Variants in TAPT1 observed in about 807,000 individuals in gnomAD.
TAPT1 encodes the protein transmembrane anterior posterior transformation protein 1 homolog.
TAPT1 carries 28 observed loss-of-function variants against 65.6 expected under a neutral mutation model. The ratio of observed to expected loss-of-function variants is 0.43; its 90% CI spans 0.32 to 0.59. TAPT1 has a LOEUF of 0.59. TAPT1 is among the 20% of genes least tolerant of loss of function. The pLI is 0.09. For synonymous variants in TAPT1, 278 were observed against 245.2 expected, an observed-to-expected ratio of 1.13 and a Z score of -1.25; for missense variants, 563 against 679.9, an observed-to-expected ratio of 0.83 and a Z score of 1.91.
chr4:16,196,658 C>T, intron 3 of TAPT1: 1 of 1,287,060 alleles, frequency 7.8e-7, no homozygotes, highest in Non-Finnish European at 1.0e-6. Context: ...GTTTACTCAC[C>T]ACAAGGAGTC....
Position 16,163,294 on chromosome 4 carries a change from A to C in TAPT1, c.*14T>G, listed in dbSNP as rs371444361. The C allele has an allele frequency of 5.0e-6, 8 of 1,606,284 alleles. No individual in the cohort carries two copies. Among genetic ancestry groups the C allele is most frequent in the South Asian group, 2.2e-5 (2 of 90,952 alleles). ...CCCCAGGACCCAGCTTCTTCAGCGC[A>C]TGAAGCCACAGATTCAGTCAATTCG... On this transcript the variant is annotated 3_prime_UTR_variant, in exon 14 of 14. Coordinates refer to ENST00000405303, the MANE Select transcript of TAPT1 (RefSeq NM_153365.3).
chr4:16,178,417 C>T (rs1233243100), intron 8 of TAPT1, among the ~76,000 whole-genome samples: 1 of 152,068 alleles, frequency 6.6e-6, no homozygotes, highest in Non-Finnish European at 1.5e-5. Context: ...TTAATAAATG[C>T]CTATAACATA....
chr4:16,166,894 G>T, intron 12 of TAPT1, 101 bp from the exon 13 acceptor site: 1 of 1,110,716 alleles, frequency 9.0e-7, no homozygotes, highest in Admixed American at 2.1e-5. Context: ...GGGGGCATGG[G>T]ACGGTGACAG....
At chr4:16,217,930 C>T (rs1169889106) in intron 1 of TAPT1, among the ~76,000 whole-genome samples, 1 of 152,132 alleles carries the variant, frequency 6.6e-6, no homozygotes, top group Non-Finnish European at 1.5e-5. Context: ...GAACAGGGTA[C>T]CATGATGCAG....
intron 1 of TAPT1, among the ~76,000 whole-genome samples, chr4:16,217,728 T>C (rs530281864): frequency 6.6e-6 from 1 of 152,322 alleles, no homozygotes; most frequent in Non-Finnish European, 1.5e-5. Context: ...AAGAAGAGCA[T>C]TCCAGATACT....
rs1748893773 is a variant in TAPT1 at position 16,184,629 on chromosome 4, C to T, written c.916+1906G>A. The stretch of plus-strand genomic sequence containing the variant: ...AGTTAATCCATATCCTAACTTGTGG[C>T]ACTGTCAGGCTACAAGAGCAGTCAC... On this transcript the variant is annotated intron_variant, in intron 7 of 13. Coordinates refer to ENST00000405303, the MANE Select transcript of TAPT1 (RefSeq NM_153365.3). 2.0e-5 allele frequency among the ~76,000 whole-genome samples: 3 copies of T among 152,220 alleles called. No individual in the cohort carries two copies. In the South Asian group the frequency reaches 6.2e-4, roughly 32 times the overall value.
intron 3 of TAPT1, among the ~76,000 whole-genome samples, chr4:16,198,042 C>T (rs1310662534): frequency 1.3e-5 from 2 of 152,140 alleles, no homozygotes; most frequent in African/African-American, 4.8e-5. Context: ...GCCAACATCT[C>T]ATAATGAACA....
intron 7 of TAPT1, among the ~76,000 whole-genome samples, chr4:16,185,133 T>C (rs1378522041): frequency 6.6e-6 from 1 of 152,062 alleles, no homozygotes; most frequent in Non-Finnish European, 1.5e-5. Flanking sequence ...GAATTAATTT[T>C]CTTGGGCAGG....
rs114190632 is a variant in TAPT1 at position 16,166,032 on chromosome 4, C to A, written c.1474+601G>T. Reference sequence around the variant, plus strand: ...TGCAGCTCTCCATGGTCCCCAAGACCCCCTCTCCAGTCCTTTTCCCTGGGA... The same window carrying A: ...TGCAGCTCTCCATGGTCCCCAAGACACCCTCTCCAGTCCTTTTCCCTGGGA... On this transcript the variant is annotated intron_variant, in intron 13 of 13. Transcript: ENST00000405303. Among the ~76,000 whole-genome samples the A allele has an allele frequency of 4.7e-3, 718 of 152,316 alleles. 6 individuals are homozygous for A. Among genetic ancestry groups the A allele is most frequent in the African/African-American group, 0.017 (689 of 41,548 alleles).
Position 16,202,518 on chromosome 4 carries a change from A to G in TAPT1, c.393T>C (p.Pro131=). 6.4e-7 allele frequency: 1 copy of G among 1,553,582 alleles called. No individual in the cohort carries two copies. The highest frequency in any genetic ancestry group is 8.7e-7 in the Non-Finnish European group (1 of 1,148,096). Residue 131 remains proline (P), a synonymous_variant, in exon 3 of 14, where the codon CCT becomes CCC. Coordinates refer to ENST00000405303, the MANE Select transcript of TAPT1 (RefSeq NM_153365.3). ...DAFLYVFTLL[P]LRVFLALFRL... ...TGAATAGTGCCAGGAAAACTCTTAA[A>G]GGAAGCAGGGTGAACACATACAAAA...
chr4:16,224,937 T>A (rs1249667835), intron 1 of TAPT1, among the ~76,000 whole-genome samples: 1 of 152,254 alleles, frequency 6.6e-6, no homozygotes, highest in Non-Finnish European at 1.5e-5. Context: ...GAAAGTATAG[T>A]GAAGCCTGGC....
rs182523569 is a variant in TAPT1 at position 16,178,335 on chromosome 4, C to T, written c.997+1242G>A. Among the ~76,000 whole-genome samples the T allele has an allele frequency of 2.0e-5, 3 of 152,280 alleles. No homozygotes were observed. The East Asian group carries it at 5.8e-4, about 29-fold the overall frequency. On this transcript the variant is annotated intron_variant, in intron 8 of 13. Transcript: ENST00000405303. ...TGAAAATGTATCTCCAAGACCGTAT[C>T]TCTCATTTTATATGTTTTTGATTTT...
intron 9 of TAPT1, among the ~76,000 whole-genome samples, chr4:16,175,497 TA>T (rs1385609606): frequency 6.6e-6 from 1 of 152,124 alleles, no homozygotes; most frequent in Non-Finnish European, 1.5e-5. Context: ...TACTACCCAG[TA>T]AAATCTAGAA....
chr4:16,224,181 G>A (rs1359252484), intron 1 of TAPT1, among the ~76,000 whole-genome samples: 1 of 152,162 alleles, frequency 6.6e-6, no homozygotes, highest in African/African-American at 2.4e-5. Flanking sequence ...GACTCCAGGT[G>A]CTGCCACTCA....
chr4:16,182,769 T>C (rs1748784928), intron 7 of TAPT1: 1 of 152,224 alleles, frequency 6.6e-6, no homozygotes, highest in Non-Finnish European at 1.5e-5. Flanking sequence ...CTAACGCTTA[T>C]GTTAAAATGA....
At chr4:16,185,433 A>G (rs1015812218) in intron 7 of TAPT1, among the ~76,000 whole-genome samples, 2 of 151,664 alleles carry the variant, frequency 1.3e-5, no homozygotes, top group African/African-American at 4.8e-5. Flanking sequence ...CTCTAGTACA[A>G]TCTTGGCTCA....
At chr4:16,168,984 G>A (rs1223264090) in intron 12 of TAPT1, among the ~76,000 whole-genome samples, 1 of 152,244 alleles carries the variant, frequency 6.6e-6, no homozygotes, top group Non-Finnish European at 1.5e-5. Flanking sequence ...AAGCCCAACT[G>A]AATTCTGATT....
chr4:16,227,363 C>G, upstream of TAPT1: 1 of 452,942 alleles, frequency 2.2e-6, no homozygotes, highest in Non-Finnish European at 4.5e-6. Flanking sequence ...CGTGTGACCC[C>G]GCAACGAGCG....
chr4:16,184,505 T>C (rs1192116747), intron 7 of TAPT1, among the ~76,000 whole-genome samples: 1 of 152,204 alleles, frequency 6.6e-6, no homozygotes. Flanking sequence ...GGAAATATAT[T>C]TCCTGAATTA....
Sources: gnomAD v4.1 joint callset for allele counts (sites outside exome capture counted in the v4.1 genomes callset) on GRCh38, gnomAD v4.1.1 for gene constraint, MANE v1.5 for transcripts, NCBI Gene and HGNC (gene_info 2026-07-23, HGNC 2026-07-21) for gene names.